Variants in RP1 observed in about 807,000 individuals in gnomAD.
The protein encoded by RP1 is oxygen-regulated protein 1.
A neutral mutation model predicts 14.8 loss-of-function variants in RP1; 16 were observed. That is an observed-to-expected ratio of 1.08 (90% confidence interval 0.73 to 1.65). The LOEUF is 1.65. Among genes scored for constraint, RP1 ranks in the 40% most tolerant of loss-of-function variants. The pLI, the probability that RP1 is intolerant of heterozygous loss-of-function variation, is 0.00. For missense variants in RP1, 2,631 were observed against 2,535.0 expected (o/e 1.04, Z -0.81); for synonymous variants, 876 against 883.6 (o/e 0.99, Z 0.15).
At chr8:54,713,510 G>T (rs551728274) in intron 15 of RP1, among the ~76,000 whole-genome samples, 200 of 152,260 alleles carry the variant, frequency 1.3e-3, no homozygotes, top group Non-Finnish European at 2.5e-3. Context: ...ACTTGTCTAT[G>T]GGCAAGAGTT....
chr8:54,738,119 G>A (rs145836442), intron 18 of RP1, among the ~76,000 whole-genome samples: 12 of 152,056 alleles, frequency 7.9e-5, no homozygotes, highest in South Asian at 4.2e-4. Flanking sequence ...TTTCATCTTC[G>A]CATACCTGTG....
intron 15 of RP1, among the ~76,000 whole-genome samples, chr8:54,718,178 C>G (rs1275293288): frequency 6.6e-6 from 1 of 152,098 alleles, no homozygotes; most frequent in Non-Finnish European, 1.5e-5. Context: ...CAATTCCAGT[C>G]AAAATTCCAG....
chr8:54,797,530 AAC>A (rs3077304), intron 24 of RP1, among the ~76,000 whole-genome samples: 79 of 148,360 alleles, frequency 5.3e-4, no homozygotes, highest in African/African-American at 6.7e-4. Context: ...CATAGGACTA[AAC>A]ACACACACAC....
chr8:54,841,015 A>G (rs1412889378), intron 25 of RP1, among the ~76,000 whole-genome samples: 1 of 152,226 alleles, frequency 6.6e-6, no homozygotes, highest in Admixed American at 6.5e-5. Context: ...GAAAAAAATA[A>G]CACCCCAATA....
At chr8:54,759,722 C>T (rs1326433583) in intron 22 of RP1, among the ~76,000 whole-genome samples, 1 of 152,186 alleles carries the variant, frequency 6.6e-6, no homozygotes, top group Non-Finnish European at 1.5e-5. Flanking sequence ...CTGAGCCCTG[C>T]TGTTTCTCAA....
chr8:54,704,549 G>A (rs548391887), intron 14 of RP1, among the ~76,000 whole-genome samples: 1 of 152,280 alleles, frequency 6.6e-6, no homozygotes, highest in East Asian at 1.9e-4. Context: ...GTGGCACAGA[G>A]ACATGAAGTG....
chr8:54,843,896 A>T (rs571756998), intron 25 of RP1, among the ~76,000 whole-genome samples: 6 of 152,314 alleles, frequency 3.9e-5, no homozygotes, highest in Admixed American at 2.6e-4. Flanking sequence ...TTAGAGCCTC[A>T]TGGCTAAGAC....
intron 12 of RP1, among the ~76,000 whole-genome samples, chr8:54,684,609 A>G (rs1203390428): frequency 6.6e-6 from 1 of 152,130 alleles, no homozygotes; most frequent in Non-Finnish European, 1.5e-5. Flanking sequence ...AGAGGTGTTT[A>G]TAGTATTATC....
intron 1 of RP1, among the ~76,000 whole-genome samples, chr8:54,593,058 T>C (rs931904703): frequency 1.3e-5 from 2 of 152,120 alleles, no homozygotes; most frequent in Non-Finnish European, 2.9e-5. Context: ...TGTGCCAAAT[T>C]AGGTGATACC....
In RP1 at chr8:54,629,237, T is replaced by A; in HGVS notation, c.5355T>A (p.Tyr1785Ter). The stretch of plus-strand genomic sequence containing the variant: ...ATAATAACAGCAGTGAGGTACCATA[T>A]TCACATTTTGGTAATTTGGCCCCAG... ...LLDNNSSEVP[Y>*]SHFGNLAPGP... is the part of the protein sequence containing the mutation. The change falls in exon 4 of 4, where the codon TAT becomes TAA. Residue 1785 changes from tyrosine (Y) to a stop codon, truncating the protein, a stop_gained. Coordinates refer to ENST00000220676, the MANE Select transcript of RP1 (RefSeq NM_006269.2). LOFTEE classifies it low-confidence loss of function (END_TRUNC). 6.2e-7 allele frequency: 1 copy of A among 1,614,074 alleles called. No individual in the cohort carries two copies. The highest frequency in any genetic ancestry group is 8.5e-7 in the Non-Finnish European group (1 of 1,179,944).
rs116330381 is a variant in RP1, at chr8:54,866,508, T to C, written c.4151+592T>C. Among the ~76,000 whole-genome samples, 1,340 of 152,338 alleles carry C rather than the reference T, an allele frequency of 8.8e-3. 17 individuals are homozygous for C. Among genetic ancestry groups the C allele is most frequent in the African/African-American group, 0.028 (1,166 of 41,588 alleles). Reference sequence around the variant, plus strand: ...AAGTTTTATGAGAATGATTAAATCTTCTCTACCTACTTTATAGAGTTATAA... The same window carrying C: ...AAGTTTTATGAGAATGATTAAATCTCCTCTACCTACTTTATAGAGTTATAA... On this transcript the variant is annotated intron_variant, in intron 28 of 28. Coordinates refer to the RP1 transcript ENST00000637698.
intron 14 of RP1, among the ~76,000 whole-genome samples, chr8:54,702,245 T>C (rs1442197043): frequency 1.3e-5 from 2 of 152,178 alleles, no homozygotes; most frequent in Admixed American, 1.3e-4. Flanking sequence ...TAAAAATAAT[T>C]ATCTTAACTA....
chr8:54,653,885 G>T (rs1806704848), intron 5 of RP1, among the ~76,000 whole-genome samples: 1 of 152,078 alleles, frequency 6.6e-6, no homozygotes, highest in Non-Finnish European at 1.5e-5. Context: ...ACTAACATAT[G>T]AAAATTATCA....
At chr8:54,844,192 A>G (rs577810991) in intron 25 of RP1, among the ~76,000 whole-genome samples, 7 of 152,338 alleles carry the variant, frequency 4.6e-5, no homozygotes, top group African/African-American at 1.7e-4. Flanking sequence ...AGCTGGACAG[A>G]GTTGGAAGCC....
chr8:54,588,069 A>T (rs1456506052), intron 1 of RP1, among the ~76,000 whole-genome samples: 2 of 152,222 alleles, frequency 1.3e-5, no homozygotes, highest in Non-Finnish European at 2.9e-5. Flanking sequence ...ACCTTTGATA[A>T]GGAACTTAAT....
rs750322665 is a variant in RP1, at chr8:54,627,772, G to A, written c.3890G>A (p.Cys1297Tyr). The change falls in exon 4 of 4, where the codon TGT becomes TAT. Residue 1297 changes from cysteine to tyrosine, a missense_variant. Cys to Tyr is a radical substitution (Grantham distance 194). Transcript: ENST00000220676. The part of the protein sequence containing the change: ...GVDQTSMNKA[C>Y]FLGEVCSLTD... ...GATCAGACTTCTATGAATAAGGCTT[G>A]TTTCCTAGGAGAGGTCTGTTCACTT... The A allele has an allele frequency of 6.2e-7, 1 of 1,614,066 alleles. No individual in the cohort carries two copies. Among genetic ancestry groups the A allele is most frequent in the South Asian group, 1.1e-5 (1 of 91,074 alleles).
At chr8:54,749,074 A>G (rs1286166934) in intron 19 of RP1, among the ~76,000 whole-genome samples, 1 of 152,148 alleles carries the variant, frequency 6.6e-6, no homozygotes, top group Non-Finnish European at 1.5e-5. Flanking sequence ...TATTTTATTT[A>G]TTTTGTTTAG....
intron 18 of RP1, among the ~76,000 whole-genome samples, chr8:54,735,991 C>T (rs996799027): frequency 7.9e-5 from 12 of 152,126 alleles, no homozygotes; most frequent in African/African-American, 2.9e-4. Flanking sequence ...CTACTGATGC[C>T]TGATTCCACC....
At chr8:54,607,485 G>A (rs1052463952) in intron 1 of RP1, among the ~76,000 whole-genome samples, 7 of 152,192 alleles carry the variant, frequency 4.6e-5, no homozygotes, top group Non-Finnish European at 1.0e-4. Context: ...AGGCTACTCG[G>A]GGGTCAGGGA....
Sources: gnomAD v4.1 joint callset for allele counts (sites outside exome capture counted in the v4.1 genomes callset) on GRCh38, gnomAD v4.1.1 for gene constraint, MANE v1.5 for transcripts, NCBI Gene and HGNC (gene_info 2026-07-23, HGNC 2026-07-21) for gene names.